ETFA: variants seen among roughly 807,000 people sequenced by gnomAD.
The protein encoded by ETFA is electron transfer flavoprotein subunit alpha, mitochondrial.
In ETFA, 22 loss-of-function variants were observed where a neutral mutation model predicts 46.2. The ratio of observed to expected loss-of-function variants is 0.48; its 90% CI spans 0.34 to 0.68. The LOEUF (loss-of-function observed/expected upper bound fraction) is 0.68. Among genes scored for constraint, ETFA ranks in the 30% least tolerant of loss-of-function variants. The probability of loss-of-function intolerance (pLI) is 0.01; values close to 1 mark genes in which losing one functional copy is unlikely to be tolerated. For synonymous variants in ETFA, 131 were observed against 139.9 expected, an observed-to-expected ratio of 0.94 and a Z score of 0.45; for missense variants, 345 against 401.1, an observed-to-expected ratio of 0.86 and a Z score of 1.19.
intron 2 of ETFA, among the ~76,000 whole-genome samples, chr15:76,294,669 C>T (rs2039800182): frequency 1.3e-5 from 2 of 152,174 alleles, no homozygotes; most frequent in African/African-American, 4.8e-5. Context: ...CGTGCCTCAG[C>T]CTTCCAAGTA....
intron 5 of ETFA, among the ~76,000 whole-genome samples, chr15:76,287,565 A>C (rs1385686476): frequency 6.6e-6 from 1 of 152,170 alleles, no homozygotes; most frequent in Non-Finnish European, 1.5e-5. Context: ...TACCACTTAC[A>C]AAATATATTA....
chr15:76,270,374 T>C (rs1407918762), intron 9 of ETFA, among the ~76,000 whole-genome samples: 1 of 152,174 alleles, frequency 6.6e-6, no homozygotes, highest in Non-Finnish European at 1.5e-5. Flanking sequence ...GAGACTAGAA[T>C]TGGAGATACC....
intron 9 of ETFA, among the ~76,000 whole-genome samples, chr15:76,255,817 A>G (rs1406012056): frequency 1.3e-5 from 2 of 152,208 alleles, no homozygotes; most frequent in African/African-American, 2.4e-5. Flanking sequence ...TGATGTGAAA[A>G]TGATGGTGGG....
chr15:76,229,449 C>A (rs538587373), intron 10 of ETFA, among the ~76,000 whole-genome samples: 7 of 152,306 alleles, frequency 4.6e-5, no homozygotes, highest in Admixed American at 3.9e-4. Context: ...TAGTGTCTCT[C>A]CCACAATCCA....
chr15:76,279,542 G>C (rs995536647), intron 8 of ETFA, among the ~76,000 whole-genome samples: 4 of 152,118 alleles, frequency 2.6e-5, no homozygotes, highest in Admixed American at 2.6e-4. Flanking sequence ...CTCCCAAAGT[G>C]TTGGGATTAC....
intron 9 of ETFA, among the ~76,000 whole-genome samples, chr15:76,240,151 T>C (rs1464301401): frequency 3.3e-5 from 5 of 152,202 alleles, no homozygotes; most frequent in African/African-American, 7.2e-5. Context: ...GTGAAGTCAA[T>C]ATCTGGTTCC....
At chr15:76,241,090 C>G (rs766984314) in intron 9 of ETFA, among the ~76,000 whole-genome samples, 2 of 151,922 alleles carry the variant, frequency 1.3e-5, no homozygotes, top group East Asian at 3.8e-4. Context: ...TATATACTTA[C>G]CTAAAACTAT....
chr15:76,295,841 T>C (rs2039813706), intron 1 of ETFA, 104 bp from the exon 2 acceptor site: 2 of 768,490 alleles, frequency 2.6e-6, no homozygotes, highest in Non-Finnish European at 4.2e-6. Flanking sequence ...AGAAAACTAT[T>C]CTGTACACAA....
intron 9 of ETFA, chr15:76,259,903 G>A (rs2039387410): frequency 1.6e-5 from 20 of 1,247,846 alleles, no homozygotes; most frequent in African/African-American, 4.4e-5. Flanking sequence ...AGATGACCAC[G>A]GGGATGGGGT....
chr15:76,255,068 T>C (rs1272802575), intron 9 of ETFA, among the ~76,000 whole-genome samples: 1 of 152,182 alleles, frequency 6.6e-6, no homozygotes, highest in Admixed American at 6.5e-5. Context: ...GAAGACTAAC[T>C]TTCTCAACCC....
intron 9 of ETFA, among the ~76,000 whole-genome samples, chr15:76,264,223 T>C (rs1208032975): frequency 1.3e-5 from 2 of 152,216 alleles, no homozygotes; most frequent in African/African-American, 2.4e-5. Context: ...GTTAATACCA[T>C]ATGATTGGGA....
rs1157687784 is a variant in ETFA, at chr15:76,295,936, C to CTTTTTTTTTTTTTTTTTTTTTTT, written c.40-222_40-200dup. 7.8e-3 allele frequency among the ~76,000 whole-genome samples: 363 copies of CTTTTTTTTTTTTTTTTTTTTTTT among 46,598 alleles called. 118 individuals carry two copies. Among genetic ancestry groups the CTTTTTTTTTTTTTTTTTTTTTTT allele is most frequent in the Non-Finnish European group, 0.011 (252 of 23,542 alleles). The allele number at this position is 46,598 out of a possible 152,430, so 30.6% of individuals were successfully genotyped here. On this transcript the variant is annotated intron_variant, in intron 1 of 11. Coordinates refer to ENST00000557943, the MANE Select transcript of ETFA (RefSeq NM_000126.4). ...TGTCTATCACTGTACCACTAATATT[C>CTTTTTTTTTTTTTTTTTTTTTTT]TTTTTTTTTTTTTTTTTTTTTTTGA...
chr15:76,216,588 C>G lies in ETFA; in HGVS notation c.973G>C (p.Glu325Gln). 6.3e-7 allele frequency: 1 copy of G among 1,589,758 alleles called. No homozygotes were observed. The highest frequency in any genetic ancestry group is 8.6e-7 in the Non-Finnish European group (1 of 1,157,888). The part of the protein sequence containing the change: ...IVADLFKVVP[E>Q]MTEILKKK ...TTTTTCTTCAATATCTCAGTCATTT[C>G]AGGAACTACCTGCAAATAAAAACAA... is the stretch of plus-strand genomic sequence containing the variant. The change falls in exon 12 of 12, where the codon GAA (glutamate) becomes CAA (glutamine). Residue 325 changes from glutamate to glutamine, a missense_variant. By Grantham distance (29) the Glu-to-Gln change is conservative. Coordinates refer to ENST00000557943, the MANE Select transcript of ETFA (RefSeq NM_000126.4).
At chr15:76,253,960 C>G (rs926066190) in intron 9 of ETFA, among the ~76,000 whole-genome samples, 1 of 152,186 alleles carries the variant, frequency 6.6e-6, no homozygotes, top group African/African-American at 2.4e-5. Context: ...ACTACAAAAT[C>G]TGGTTAAAAC....
At chr15:76,275,102 AG>A (rs2039578998) in intron 8 of ETFA, among the ~76,000 whole-genome samples, 4 of 152,166 alleles carry the variant, frequency 2.6e-5, no homozygotes, top group Admixed American at 2.6e-4. Flanking sequence ...TGAGTCAGCC[AG>A]GACTAATCAC....
At chr15:76,244,425 T>C (rs1271804888) in intron 9 of ETFA, among the ~76,000 whole-genome samples, 1 of 152,194 alleles carries the variant, frequency 6.6e-6, no homozygotes, top group Admixed American at 6.5e-5. Flanking sequence ...AAATTTCCTT[T>C]CAGACTAAGT....
chr15:76,244,491 C>A (rs1373501798), intron 9 of ETFA, among the ~76,000 whole-genome samples: 15 of 151,970 alleles, frequency 9.9e-5, no homozygotes, highest in Admixed American at 9.8e-4. Context: ...TTCTCTACAC[C>A]TCAGTGCTTG....
At chr15:76,303,539 A>T (rs185841170) in intron 1 of ETFA, among the ~76,000 whole-genome samples, 1 of 152,280 alleles carries the variant, frequency 6.6e-6, no homozygotes, top group Admixed American at 6.5e-5. Flanking sequence ...AACCTACAGA[A>T]TGGTAAAAAA....
At chr15:76,221,289 C>T (rs1010324268) in intron 11 of ETFA, among the ~76,000 whole-genome samples, 2 of 152,104 alleles carry the variant, frequency 1.3e-5, no homozygotes, top group African/African-American at 4.8e-5. Context: ...TGTATAGAAA[C>T]AGAAAGTAGA....
Sources: allele counts gnomAD v4.1 joint callset (sites outside exome capture counted in the v4.1 genomes callset), GRCh38; gene constraint gnomAD v4.1.1; transcripts MANE v1.5; gene names NCBI Gene and HGNC (gene_info 2026-07-23, HGNC 2026-07-21).